The following ATF6 variants were observed in gnomAD, a reference collection of about 807,000 sequenced individuals.
ATF6 encodes the protein activating transcription factor 6.
Under a neutral mutation model 83.6 loss-of-function variants are expected in ATF6, and 53 were observed. That is an observed-to-expected ratio of 0.63 (90% confidence interval 0.51 to 0.80). The LOEUF is 0.80. ATF6 is among the 30% of genes least tolerant of loss of function. The probability of loss-of-function intolerance (pLI) is 0.00; values close to 1 mark genes in which losing one functional copy is unlikely to be tolerated. For missense variants in ATF6, 744 were observed against 797.9 expected (o/e 0.93, Z 0.81); for synonymous variants, 288 against 285.8 (o/e 1.01, Z -0.08).
chr1:161,829,935 T>G (rs1557983347), intron 9 of ATF6, among the ~76,000 whole-genome samples: 1 of 152,046 alleles, frequency 6.6e-6, no homozygotes, highest in South Asian at 2.1e-4. Context: ...TTCAACATAG[T>G]GTTGGAAGTT....
chr1:161,866,099 A>G (rs1344468427), intron 14 of ATF6, among the ~76,000 whole-genome samples: 1 of 152,200 alleles, frequency 6.6e-6, no homozygotes. Context: ...AGAAATTATT[A>G]TAATTGATAC....
At chr1:161,949,998 G>A (rs1026357848) in intron 15 of ATF6, among the ~76,000 whole-genome samples, 2 of 152,156 alleles carry the variant, frequency 1.3e-5, no homozygotes, top group Admixed American at 6.6e-5. Flanking sequence ...AGAGAATTCC[G>A]TTTATGGGGT....
chr1:161,869,102 T>C lies in ATF6; in HGVS notation c.1719+5790T>C, dbSNP rs913340207. On this transcript the variant is annotated intron_variant, in intron 14 of 15. Coordinates refer to ENST00000367942, the MANE Select transcript of ATF6 (RefSeq NM_007348.4). ...TGCAAAAAAAAAGGTTGACTAGTGG[T>C]GTTATTTGTTCAAAATGTTTGCCAG... 1.4e-4 allele frequency among the ~76,000 whole-genome samples: 21 copies of C among 151,824 alleles called. 1 individual carries two copies. Among genetic ancestry groups the C allele is most frequent in the African/African-American group, 4.8e-4 (20 of 41,338 alleles).
At chr1:161,817,202 A>C (rs1685633042) in intron 7 of ATF6, among the ~76,000 whole-genome samples, 1 of 152,182 alleles carries the variant, frequency 6.6e-6, no homozygotes, top group Non-Finnish European at 1.5e-5. Flanking sequence ...CTTGTTTGAA[A>C]TTTATTAAAT....
chr1:161,856,561 G>C (rs377221796), intron 12 of ATF6, among the ~76,000 whole-genome samples: 6 of 152,278 alleles, frequency 3.9e-5, no homozygotes, highest in Admixed American at 2.0e-4. Context: ...CAGAGCTCTG[G>C]TGGCAAAATA....
intron 15 of ATF6, among the ~76,000 whole-genome samples, chr1:161,939,859 G>T (rs913180168): frequency 6.6e-6 from 1 of 152,218 alleles, no homozygotes; most frequent in East Asian, 1.9e-4. Context: ...TAGGTAGGTA[G>T]CTATGGCTTC....
intron 9 of ATF6, among the ~76,000 whole-genome samples, chr1:161,826,134 A>G (rs944594096): frequency 6.6e-6 from 1 of 152,172 alleles, no homozygotes; most frequent in African/African-American, 2.4e-5. Context: ...GCTAGTGGCA[A>G]TCATGGGAGG....
chr1:161,949,077 A>G (rs527863511), intron 15 of ATF6, among the ~76,000 whole-genome samples: 8 of 152,276 alleles, frequency 5.3e-5, no homozygotes, highest in South Asian at 2.1e-4. Flanking sequence ...AACTGAATCT[A>G]TAGGACAACC....
chr1:161,848,619 C>T (rs1366203897), intron 10 of ATF6, among the ~76,000 whole-genome samples: 1 of 152,096 alleles, frequency 6.6e-6, no homozygotes, highest in Non-Finnish European at 1.5e-5. Flanking sequence ...GTAATAATTA[C>T]ATCAGAATAC....
intron 14 of ATF6, among the ~76,000 whole-genome samples, chr1:161,894,681 G>A (rs1429154173): frequency 8.2e-5 from 12 of 146,368 alleles, no homozygotes; most frequent in African/African-American, 1.8e-4. Flanking sequence ...GATTACAGGC[G>A]CCCACCACTA....
intron 14 of ATF6, among the ~76,000 whole-genome samples, chr1:161,901,695 G>T (rs1687791040): frequency 6.6e-6 from 1 of 152,088 alleles, no homozygotes; most frequent in Non-Finnish European, 1.5e-5. Context: ...TACTTTAATA[G>T]CCTTTTCAAA....
intron 15 of ATF6, among the ~76,000 whole-genome samples, chr1:161,926,982 A>G (rs1240677941): frequency 6.6e-6 from 1 of 152,138 alleles, no homozygotes; most frequent in Non-Finnish European, 1.5e-5. Flanking sequence ...TTTTAGTATA[A>G]TGTGATTGCT....
intron 4 of ATF6, among the ~76,000 whole-genome samples, chr1:161,791,047 C>T (rs1033438327): frequency 4.7e-5 from 7 of 148,906 alleles, no homozygotes; most frequent in Middle Eastern, 3.5e-3. Flanking sequence ...TGTATGACTA[C>T]GAACCAAGTT....
At chr1:161,871,721 G>A (rs1687128271) in intron 14 of ATF6, among the ~76,000 whole-genome samples, 1 of 151,556 alleles carries the variant, frequency 6.6e-6, no homozygotes, top group South Asian at 2.1e-4. Flanking sequence ...AGTGACATCT[G>A]CTATGTGACT....
chr1:161,810,754 C>T (rs1405263757), intron 7 of ATF6, among the ~76,000 whole-genome samples: 1 of 152,126 alleles, frequency 6.6e-6, no homozygotes, highest in Non-Finnish European at 1.5e-5. Context: ...TAGTCATTAG[C>T]CATAGTCTTT....
chr1:161,811,781 ATCCATC>A (rs1557973191), intron 7 of ATF6, among the ~76,000 whole-genome samples: 9 of 147,132 alleles, frequency 6.1e-5, no homozygotes, highest in Non-Finnish European at 1.4e-4. Flanking sequence ...CCATCCATCC[ATCCATC>A]CATATACACA....
Position 161,894,521 on chromosome 1 carries a change from C to CTTTTTTTTTTT in ATF6, c.1720-17752_1720-17742dup, listed in dbSNP as rs71093131. On this transcript the variant is annotated intron_variant, in intron 14 of 15. Coordinates refer to ENST00000367942, the MANE Select transcript of ATF6 (RefSeq NM_007348.4). ...TTAGAGGCAACATTTGTTTTGTAGT[C>CTTTTTTTTTTT]TTTTTTTTTTTTTTTTTTTTTTTTT... Among the ~76,000 whole-genome samples the CTTTTTTTTTTT allele has an allele frequency of 1.6e-4, 7 of 44,866 alleles. 1 individual carries two copies. Among genetic ancestry groups the CTTTTTTTTTTT allele is most frequent in the South Asian group, 1.3e-3 (1 of 760 alleles). 29.4% of individuals were successfully genotyped at this position (44,866 alleles called of 152,430 possible). A position where few individuals can be genotyped will look rare whatever the true frequency, so the allele number is the denominator to read the frequency against.
chr1:161,849,537 G>T (rs1686563926), intron 10 of ATF6, among the ~76,000 whole-genome samples: 1 of 152,140 alleles, frequency 6.6e-6, no homozygotes, highest in South Asian at 2.1e-4. Flanking sequence ...GGCTGTGTGG[G>T]TCATTTGCTC....
intron 14 of ATF6, among the ~76,000 whole-genome samples, chr1:161,875,132 T>C (rs1687185524): frequency 6.6e-6 from 1 of 151,794 alleles, no homozygotes; most frequent in Non-Finnish European, 1.5e-5. Flanking sequence ...TTCTTATATC[T>C]GTTCTTTTTG....
Sources: gnomAD v4.1 joint callset for allele counts (sites outside exome capture counted in the v4.1 genomes callset) on GRCh38, gnomAD v4.1.1 for gene constraint, MANE v1.5 for transcripts, NCBI Gene and HGNC (gene_info 2026-07-23, HGNC 2026-07-21) for gene names.